Variants in PALM2AKAP2 observed in about 807,000 individuals in gnomAD.
PALM2AKAP2 encodes PALM2 and AKAP2 fusion.
Under a neutral mutation model 71.5 loss-of-function variants are expected in PALM2AKAP2, and 37 were observed. That is an observed-to-expected ratio of 0.52 (90% CI 0.40 to 0.68). The LOEUF is 0.68. Among genes scored for constraint, PALM2AKAP2 ranks in the 30% least tolerant of loss-of-function variants. The pLI, the probability that PALM2AKAP2 is intolerant of heterozygous loss-of-function variation, is 0.00. For missense variants in PALM2AKAP2, 1,224 were observed against 1,191.8 expected, an observed-to-expected ratio of 1.03 and a Z score of -0.40; for synonymous variants, 468 against 478.8, an observed-to-expected ratio of 0.98 and a Z score of 0.29.
intron 1 of PALM2AKAP2, among the ~76,000 whole-genome samples, chr9:109,721,390 T>C (rs776229274): frequency 2.0e-5 from 3 of 152,232 alleles, no homozygotes; most frequent in Non-Finnish European, 4.4e-5. Flanking sequence ...GATCGCTTTC[T>C]ATTGGGAACT....
At chr9:110,022,550 CT>C (rs965282943) in intron 7 of PALM2AKAP2, among the ~76,000 whole-genome samples, 9 of 149,928 alleles carry the variant, frequency 6.0e-5, no homozygotes, top group African/African-American at 1.2e-4. Flanking sequence ...ACATTCTTTT[CT>C]TTTTTTTTCT....
Position 110,138,502 on chromosome 9 carries a change from A to G in PALM2AKAP2, c.2532A>G (p.Pro844=), listed in dbSNP as rs746629234. The G allele has an allele frequency of 4.2e-5, 68 of 1,612,878 alleles. No individual in the cohort carries two copies. The Middle Eastern group carries it at 6.7e-4, about 16-fold the overall frequency. ...AGAGCCCCAGGACAAAGAATGCCCCATCACTGCCCTCCAGAACATGCTACA... is the reference window on the plus strand; with the variant it reads ...AGAGCCCCAGGACAAAGAATGCCCCGTCACTGCCCTCCAGAACATGCTACA... Residue 844 remains proline (P), a synonymous_variant, in exon 2 of 4, where the codon CCA becomes CCG. Transcript: ENST00000374525.
chr9:110,137,818 A>T (rs775799846), exon 2 of PALM2AKAP2: 1 of 1,614,128 alleles, frequency 6.2e-7, no homozygotes, highest in South Asian at 1.1e-5. Context: ...CCCAGACACC[A>T]CAAACTGACA....
chr9:110,034,839 G>T (rs537671643), intron 7 of PALM2AKAP2, among the ~76,000 whole-genome samples: 1 of 151,432 alleles, frequency 6.6e-6, no homozygotes, highest in Non-Finnish European at 1.5e-5. Context: ...TCCTGACCTC[G>T]TGAACTGCCC....
rs542867756 is a variant in PALM2AKAP2, at chr9:109,748,051, C to G, written c.6-32437C>G. On this transcript the variant is annotated intron_variant, in intron 1 of 6. Coordinates refer to the PALM2AKAP2 transcript ENST00000374531. ...TTGACAGTTTCAACACAATATTTACCAGTTGAAACTGATTTTTATGCTCTT... is the reference window on the plus strand; with the variant it reads ...TTGACAGTTTCAACACAATATTTACGAGTTGAAACTGATTTTTATGCTCTT... 2.0e-5 allele frequency among the ~76,000 whole-genome samples: 3 copies of G among 152,338 alleles called. No individual in the cohort carries two copies. In the South Asian group the frequency reaches 6.2e-4, roughly 32 times the overall value.
intron 1 of PALM2AKAP2, among the ~76,000 whole-genome samples, chr9:110,100,646 C>T (rs1361837448): frequency 6.6e-6 from 1 of 152,156 alleles, no homozygotes; most frequent in Non-Finnish European, 1.5e-5. Flanking sequence ...TATGTAACAA[C>T]CCCAAATTAT....
exon 2 of PALM2AKAP2, chr9:110,136,994 C>A: frequency 1.9e-6 from 3 of 1,614,122 alleles, no homozygotes; most frequent in Non-Finnish European, 2.5e-6. Flanking sequence ...CATCGAGGAG[C>A]AGCTGGACGA....
chr9:109,947,834 C>T (rs1831546229), intron 6 of PALM2AKAP2, among the ~76,000 whole-genome samples: 1 of 152,158 alleles, frequency 6.6e-6, no homozygotes, highest in African/African-American at 2.4e-5. Context: ...CTATTGAAAC[C>T]ACAGATTCTC....
In PALM2AKAP2 at chr9:109,719,489, A is replaced by G. The variant is rs893957263; in HGVS notation, c.6-60999A>G. On this transcript the variant is annotated intron_variant, in intron 1 of 6. Coordinates refer to the PALM2AKAP2 transcript ENST00000374531. ...CCAAATTCTAGATTCTGATTCCATA[A>G]CAAAATCCAATTCCCTAAACACTCA... Among the ~76,000 whole-genome samples, 3 of 152,342 alleles carry G rather than the reference A, an allele frequency of 2.0e-5. No individual in the cohort carries two copies. The South Asian group carries it at 6.2e-4, about 32-fold the overall frequency.
upstream of PALM2AKAP2, among the ~76,000 whole-genome samples, chr9:109,777,813 A>T (rs994015951): frequency 6.6e-6 from 1 of 152,014 alleles, no homozygotes; most frequent in Non-Finnish European, 1.5e-5. Flanking sequence ...TTCTCGGATG[A>T]TACTTTATCA....
At chr9:109,693,171 GTTAT>G (rs955677669) in intron 1 of PALM2AKAP2, among the ~76,000 whole-genome samples, 48 of 151,734 alleles carry the variant, frequency 3.2e-4, no homozygotes, top group African/African-American at 1.1e-3. Context: ...AGGCCTATAG[GTTAT>G]TTATTTATTT....
chr9:110,003,002 T>C (rs1832709480), intron 6 of PALM2AKAP2, among the ~76,000 whole-genome samples: 1 of 152,254 alleles, frequency 6.6e-6, no homozygotes, highest in Admixed American at 6.5e-5. Flanking sequence ...TCATTGATTT[T>C]TTGAAGGGTT....
intron 3 of PALM2AKAP2, among the ~76,000 whole-genome samples, chr9:110,162,475 A>G (rs1004286027): frequency 2.0e-5 from 3 of 152,194 alleles, no homozygotes; most frequent in African/African-American, 7.2e-5. Flanking sequence ...CATTAATAGC[A>G]AGTATACTTG....
At chr9:110,135,587 T>C (rs967189484) in intron 1 of PALM2AKAP2, among the ~76,000 whole-genome samples, 1 of 152,162 alleles carries the variant, frequency 6.6e-6, no homozygotes, top group African/African-American at 2.4e-5. Flanking sequence ...ATGGTGTTCA[T>C]AAGGCACATG....
intron 1 of PALM2AKAP2, among the ~76,000 whole-genome samples, chr9:110,108,529 A>G (rs1835169670): frequency 6.6e-6 from 1 of 152,130 alleles, no homozygotes; most frequent in Non-Finnish European, 1.5e-5. Flanking sequence ...ATAATCAATA[A>G]CTATTGTACT....
At chr9:109,705,555 G>A (rs796162379) in intron 1 of PALM2AKAP2, among the ~76,000 whole-genome samples, 13 of 152,290 alleles carry the variant, frequency 8.5e-5, no homozygotes, top group African/African-American at 2.6e-4. Flanking sequence ...TCCAGAGGAT[G>A]TTGAATGGGA....
chr9:109,776,607 G>A (rs556585141), upstream of PALM2AKAP2, among the ~76,000 whole-genome samples: 61 of 152,324 alleles, frequency 4.0e-4, 2 homozygotes, highest in Non-Finnish European at 1.8e-4. Context: ...GGGATCTGGG[G>A]AACAAGTGTC....
intron 3 of PALM2AKAP2, among the ~76,000 whole-genome samples, chr9:110,165,211 G>C (rs945615717): frequency 6.7e-6 from 1 of 149,698 alleles, no homozygotes; most frequent in African/African-American, 2.5e-5. Context: ...AGAAAATAAA[G>C]GAATGAACTT....
chr9:109,960,190 TC>T, intron 6 of PALM2AKAP2, among the ~76,000 whole-genome samples: 1 of 152,218 alleles, frequency 6.6e-6, no homozygotes. Flanking sequence ...TGGAATCATG[TC>T]CCTCTTCCCC....
Sources: allele counts gnomAD v4.1 joint callset (sites outside exome capture counted in the v4.1 genomes callset), GRCh38; gene constraint gnomAD v4.1.1; transcripts MANE v1.5; gene names NCBI Gene and HGNC (gene_info 2026-07-23, HGNC 2026-07-21).